PHRF1: variants seen among roughly 807,000 people sequenced by gnomAD.
PHRF1 encodes the protein PHD and ring finger domains 1.
Under a neutral mutation model 128.9 loss-of-function variants are expected in PHRF1, and 53 were observed. The ratio of observed to expected loss-of-function variants is 0.41; its 90% CI spans 0.33 to 0.52. The LOEUF (loss-of-function observed/expected upper bound fraction) is 0.52, where lower values mean the gene tolerates loss of function less well. Among genes scored for constraint, PHRF1 ranks in the 20% least tolerant of loss-of-function variants. The pLI is 0.21. For missense variants in PHRF1, 2,503 were observed against 2,284.5 expected (o/e 1.10, Z -1.95); for synonymous variants, 1,178 against 980.6 (o/e 1.20, Z -3.76).
Position 586,653 on chromosome 11 carries a change from C to T in PHRF1, c.215-606C>T, listed in dbSNP as rs745908101. Among the ~76,000 whole-genome samples, 10 of 152,196 alleles carry T rather than the reference C, an allele frequency of 6.6e-5. No homozygotes were observed. In the East Asian group the frequency reaches 7.7e-4, roughly 12 times the overall value. On this transcript the variant is annotated intron_variant, in intron 3 of 17. Transcript: ENST00000264555. The stretch of plus-strand genomic sequence containing the variant: ...CGTATGGGCTCTGCCGTGTTGAACT[C>T]GGAGCATCTCCCTGCTCCCTGCTGG...
intron 5 of PHRF1, among the ~76,000 whole-genome samples, chr11:592,091 A>G (rs952660120): frequency 6.6e-6 from 1 of 151,402 alleles, no homozygotes; most frequent in Non-Finnish European, 1.5e-5. Context: ...AATTTTTTGT[A>G]TTTTTAGTAG....
At chr11:594,876 C>T (rs1385327235) in intron 6 of PHRF1, among the ~76,000 whole-genome samples, 2 of 141,748 alleles carry the variant, frequency 1.4e-5, no homozygotes, top group Admixed American at 7.6e-5. Flanking sequence ...ACCTACACTA[C>T]TTGAATTACT....
intron 9 of PHRF1, 135 bp from the exon 10 acceptor site, chr11:601,439 A>T: frequency 7.6e-7 from 1 of 1,310,366 alleles, no homozygotes; most frequent in Non-Finnish European, 1.0e-6. Context: ...AAAAAAAAAA[A>T]AAAAAAATTG....
At chr11:594,106 TAAAAAG>T (rs750017389) in intron 6 of PHRF1, among the ~76,000 whole-genome samples, 2 of 152,014 alleles carry the variant, frequency 1.3e-5, no homozygotes, top group Non-Finnish European at 2.9e-5. Context: ...GCAGAATGCT[TAAAAAG>T]AAAAAAAAAG....
In PHRF1 at chr11:611,674, T is replaced by TGGCCAACCTGGTGAAGGC; in HGVS notation, c.4849_4866dup (p.Ala1617_Ala1622dup). 6.2e-7 allele frequency: 1 copy of TGGCCAACCTGGTGAAGGC among 1,613,184 alleles called. No homozygotes were observed. Among genetic ancestry groups the TGGCCAACCTGGTGAAGGC allele is most frequent in the Non-Finnish European group, 8.5e-7 (1 of 1,179,852 alleles). The stretch of plus-strand genomic sequence containing the variant: ...AGTGGAGAGATCAACCCCGTGAAGG[T>TGGCCAACCTGGTGAAGGC]GGCCAACCTGGTGAAGGCGTACGTG... On this transcript the variant is annotated inframe_insertion, in exon 18 of 18. Coordinates refer to ENST00000264555, the MANE Select transcript of PHRF1 (RefSeq NM_001286581.2).
At chr11:596,724 T>C (rs1172327094) in intron 6 of PHRF1, among the ~76,000 whole-genome samples, 199 bp from the exon 7 acceptor site, 2 of 152,196 alleles carry the variant, frequency 1.3e-5, no homozygotes, top group Admixed American at 1.3e-4. Flanking sequence ...CCTATAACCT[T>C]AAAGGTTCCA....
intron 9 of PHRF1, among the ~76,000 whole-genome samples, chr11:601,079 A>T (rs1855598464): frequency 1.3e-5 from 2 of 152,058 alleles, no homozygotes; most frequent in Admixed American, 1.3e-4. Context: ...TGAACCCAGG[A>T]GGCGGAGGTT....
At chr11:593,935 C>G (rs1278665459) in intron 6 of PHRF1, among the ~76,000 whole-genome samples, 1 of 152,184 alleles carries the variant, frequency 6.6e-6, no homozygotes, top group Non-Finnish European at 1.5e-5. Context: ...CCTCAGGGTT[C>G]CTGGGAGCGT....
rs771824884 is a variant in PHRF1 at position 605,727 on chromosome 11, G to A, written c.1454+3G>A. ...CCCGTCTCCGTGGGGCTTTCCAGGT[G>A]TGTGAGGGCAGAGGCTTCTGGGGAG... On this transcript the variant is annotated splice_donor_region_variant and intron_variant, in intron 12 of 17. Transcript: ENST00000264555. 16 of 1,607,814 alleles carry A rather than the reference G, an allele frequency of 1.0e-5. No individual in the cohort carries two copies. Among genetic ancestry groups the A allele is most frequent in the Admixed American group, 1.7e-5 (1 of 59,432 alleles).
At position 598,879 on chromosome 11, in the gene PHRF1, A is replaced by G. The variant is rs115691512; in HGVS notation, c.1024+377A>G. Among the ~76,000 whole-genome samples, 301 of 152,346 alleles carry G rather than the reference A, an allele frequency of 2.0e-3. 3 individuals are homozygous for G. Among genetic ancestry groups the G allele is most frequent in the African/African-American group, 6.9e-3 (285 of 41,582 alleles). On this transcript the variant is annotated intron_variant, in intron 9 of 17. Coordinates refer to ENST00000264555, the MANE Select transcript of PHRF1 (RefSeq NM_001286581.2). ...TTTCTGTGGGGGCCGAGTTGAGATC[A>G]GTGATTTCGCATCTTGTCTTGCTTC...
chr11:607,809 A>C lies in PHRF1; in HGVS notation c.2353A>C (p.Met785Leu), dbSNP rs747292150. 3 of 1,612,666 alleles carry C rather than the reference A, an allele frequency of 1.9e-6. No homozygotes were observed. Among genetic ancestry groups the C allele is most frequent in the African/African-American group, 2.7e-5 (2 of 74,940 alleles). Residue 785 changes from methionine to leucine, a missense_variant, in exon 14 of 18, where the codon ATG (methionine) becomes CTG (leucine). Physicochemically the swap from Met to Leu is conservative, Grantham distance 15. Coordinates refer to ENST00000264555, the MANE Select transcript of PHRF1 (RefSeq NM_001286581.2). ...CTTCCGGATCAATATTCCTGGAAAC[A>C]TGGCACATTCCAGCCAGCTCTCCAG... ...ESFRINIPGN[M>L]AHSSQLSSPG...
At chr11:610,795 C>T (rs761816820) in intron 16 of PHRF1, 34 bp downstream of exon 16, 25 of 1,591,868 alleles carry the variant, frequency 1.6e-5, no homozygotes, top group East Asian at 2.2e-5. Context: ...TCCCCATGTT[C>T]CCATCTTACT....
rs1589905336 is a variant in PHRF1, at chr11:609,191, C to G, written c.3735C>G (p.Val1245=). ...ADKAPLQAPP[V]LEVAAECEPD... ...AGGCCCCCCTGCAGGCTCCCCCTGT[C>G]CTGGAGGTGGCAGCTGAGTGTGAGC... Residue 1245 remains valine (V), a synonymous_variant, in exon 14 of 18, where the codon GTC becomes GTG. Transcript: ENST00000264555. The G allele has an allele frequency of 6.2e-7, 1 of 1,608,112 alleles. No homozygotes were observed. Among genetic ancestry groups the G allele is most frequent in the East Asian group, 2.2e-5 (1 of 44,874 alleles).
At chr11:588,375 T>G (rs1219798950) in intron 4 of PHRF1, among the ~76,000 whole-genome samples, 1 of 151,444 alleles carries the variant, frequency 6.6e-6, no homozygotes, top group Non-Finnish European at 1.5e-5. Context: ...ACTTAGACTT[T>G]TCTTTTTTTT....
In PHRF1 at chr11:599,763, A is replaced by G. The variant is rs558055395; in HGVS notation, c.1024+1261A>G. Among the ~76,000 whole-genome samples the G allele has an allele frequency of 3.3e-5, 5 of 151,508 alleles. No homozygotes were observed. In the South Asian group the frequency reaches 8.4e-4, roughly 25 times the overall value. The stretch of plus-strand genomic sequence containing the variant: ...GACTCAGTGTCTGTGGGTCTGGTGC[A>G]GGGTCCTGGGTCTCCAGAGGACTCG... On this transcript the variant is annotated intron_variant, in intron 9 of 17. Transcript: ENST00000264555.
intron 9 of PHRF1, among the ~76,000 whole-genome samples, chr11:599,711 G>A (rs148332379): frequency 3.3e-3 from 505 of 152,206 alleles, no homozygotes; most frequent in Non-Finnish European, 5.5e-3. Context: ...ACTGTGTGTC[G>A]GTCGTGCTGG....
Position 607,544 on chromosome 11 carries a change from G to A in PHRF1, c.2088G>A (p.Ala696=), listed in dbSNP as rs368282503. ...RRDDGGGRRD[A]APAHGQSIEI... is the part of the protein sequence containing the mutation. ...ATGACGGTGGTGGCAGACGGGATGC[G>A]GCCCCGGCCCACGGGCAGAGCATTG... The change falls in exon 14 of 18, where the codon GCG becomes GCA. Residue 696 remains alanine (A), a synonymous_variant. Transcript: ENST00000264555. 6 of 1,612,508 alleles carry A rather than the reference G, an allele frequency of 3.7e-6. No homozygotes were observed. Among genetic ancestry groups the A allele is most frequent in the Admixed American group, 3.3e-5 (2 of 60,002 alleles).
chr11:582,127 G>T, intron 3 of PHRF1, 46 bp downstream of exon 3: 1 of 1,553,844 alleles, frequency 6.4e-7, no homozygotes, highest in Non-Finnish European at 8.7e-7. Context: ...TCCTCTTGTC[G>T]TGATGGGGAC....
chr11:606,306 C>A, intron 12 of PHRF1, 136 bp from the exon 13 acceptor site: 1 of 1,182,264 alleles, frequency 8.5e-7, no homozygotes, highest in South Asian at 1.6e-5. Flanking sequence ...GCAGCCGGAG[C>A]CAGGGCTGTG....
Sources: allele counts gnomAD v4.1 joint callset (sites outside exome capture counted in the v4.1 genomes callset), GRCh38; gene constraint gnomAD v4.1.1; transcripts MANE v1.5; gene names NCBI Gene and HGNC (gene_info 2026-07-23, HGNC 2026-07-21).